SNCB: variants seen among roughly 807,000 people sequenced by gnomAD.
SNCB encodes beta-synuclein.
Under a neutral mutation model 20.0 loss-of-function variants are expected in SNCB, and 8 were observed. The observed-to-expected ratio is 0.40, with a 90% CI of 0.24 to 0.72. SNCB has a LOEUF of 0.72. Ranked by LOEUF, SNCB falls within the 30% of genes least tolerant of loss-of-function variation. The pLI is 0.37. For synonymous variants in SNCB, 56 were observed against 65.4 expected, an observed-to-expected ratio of 0.86 and a Z score of 0.69; for missense variants, 125 against 168.0, an observed-to-expected ratio of 0.74 and a Z score of 1.41.
At position 176,626,545 on chromosome 5, in the gene SNCB, G is replaced by A; in HGVS notation, c.164-29C>T. ...GAGCAGGGAGGGGGTTGAGGAAGGGGTTTGGGAGCCAGGGGGAAACACCGA... is the reference window on the plus strand; with the variant it reads ...GAGCAGGGAGGGGGTTGAGGAAGGGATTTGGGAGCCAGGGGGAAACACCGA... On this transcript the variant is annotated intron_variant, in intron 3 of 5. Transcript: ENST00000393693. The surrounding 1 kb of genome is among the most constrained non-coding windows in gnomAD (Gnocchi z 4.2). 6.3e-7 allele frequency: 1 copy of A among 1,579,692 alleles called. No individual in the cohort carries two copies. The highest frequency in any genetic ancestry group is 1.1e-5 in the South Asian group (1 of 90,358).
Position 176,629,666 on chromosome 5 carries a change from G to A in SNCB, c.-9-3C>T, listed in dbSNP as rs965135290. The A allele has an allele frequency of 2.5e-6, 4 of 1,612,458 alleles. No homozygotes were observed. Among genetic ancestry groups the A allele is most frequent in the Middle Eastern group, 1.7e-4 (1 of 6,014 alleles). On this transcript the variant is annotated splice_region_variant and splice_polypyrimidine_tract_variant and intron_variant, in intron 1 of 5. Transcript: ENST00000393693. This position sits in a 1 kb window ranked among gnomAD's most constrained non-coding sequence, Gnocchi z 4.1. ...ATGAACACGTCCATCCTGGCGGCCTGGGGAGGGCGATACACGGGCACCGGT... is the reference window on the plus strand; with the variant it reads ...ATGAACACGTCCATCCTGGCGGCCTAGGGAGGGCGATACACGGGCACCGGT...
chr5:176,626,459 G>C lies in SNCB; in HGVS notation c.221C>G (p.Ala74Gly). Residue 74 changes from alanine (A) to glycine (G), a missense_variant, in exon 4 of 6, where the codon GCA (alanine) becomes GGA (glycine). Transcript: ENST00000393693. The surrounding 1 kb of genome is among the most constrained non-coding windows in gnomAD (Gnocchi z 4.2). ...TCCTGTGGCTGCTGCGATGTTCCCT[G>C]CCCCAGAGAACACAGCTCCTCCCAG... ...SHLGGAVFSG[A>G]GNIAAATGLV... 6.2e-7 allele frequency: 1 copy of C among 1,614,058 alleles called. No homozygotes were observed. Among genetic ancestry groups the C allele is most frequent in the Non-Finnish European group, 8.5e-7 (1 of 1,180,006 alleles).
In SNCB at chr5:176,620,558, G is replaced by A. The variant is rs1175231696; in HGVS notation, c.*253C>T. ...CTACATCCGCGCAGACGCTGGATGG[G>A]AGGAGGCAACACTGGAGGGGCGAGG... On this transcript the variant is annotated 3_prime_UTR_variant, in exon 6 of 6. Coordinates refer to ENST00000393693, the MANE Select transcript of SNCB (RefSeq NM_003085.5). This position sits in a 1 kb window ranked among gnomAD's most constrained non-coding sequence, Gnocchi z 4.5. 3.4e-6 allele frequency: 2 copies of A among 591,324 alleles called. No homozygotes were observed. Among genetic ancestry groups the A allele is most frequent in the African/African-American group, 3.7e-5 (2 of 53,584 alleles). 36.6% of individuals were successfully genotyped at this position (591,324 alleles called of 1,614,324 possible). A position where few individuals can be genotyped will look rare whatever the true frequency, so the allele number is the denominator to read the frequency against.
Position 176,620,529 on chromosome 5 carries a change from C to T in SNCB, c.*282G>A. 1.8e-6 allele frequency: 1 copy of T among 562,714 alleles called. No individual in the cohort carries two copies. Among genetic ancestry groups the T allele is most frequent in the Non-Finnish European group, 3.2e-6 (1 of 314,726 alleles). 34.9% of individuals were successfully genotyped at this position (562,714 alleles called of 1,614,324 possible). A position where few individuals can be genotyped will look rare whatever the true frequency, so the allele number is the denominator to read the frequency against. On this transcript the variant is annotated 3_prime_UTR_variant, in exon 6 of 6. Transcript: ENST00000393693. The surrounding 1 kb of genome is among the most constrained non-coding windows in gnomAD (Gnocchi z 4.5). Reference sequence around the variant, plus strand: ...GATCTTCGTTTAAAAACACATAGAACATGCTACATCCGCGCAGACGCTGGA... The same window carrying T: ...GATCTTCGTTTAAAAACACATAGAATATGCTACATCCGCGCAGACGCTGGA...
rs530110220 is a variant in SNCB at position 176,621,663 on chromosome 5, G to C, written c.283-360C>G. On this transcript the variant is annotated intron_variant, in intron 4 of 5. Transcript: ENST00000393693. This position sits in a 1 kb window ranked among gnomAD's most constrained non-coding sequence, Gnocchi z 4.1. ...TCGGGACCCCAGAGATAACCCTCAGGCTCCCCTGGGCTGAAGGGAGCTGGA... is the reference window on the plus strand; with the variant it reads ...TCGGGACCCCAGAGATAACCCTCAGCCTCCCCTGGGCTGAAGGGAGCTGGA... Among the ~76,000 whole-genome samples, 2 of 152,174 alleles carry C rather than the reference G, an allele frequency of 1.3e-5. No homozygotes were observed. Among genetic ancestry groups the C allele is most frequent in the African/African-American group, 4.8e-5 (2 of 41,440 alleles).
At chr5:176,623,111 T>A (rs1057253644) in intron 4 of SNCB, among the ~76,000 whole-genome samples, 1 of 152,026 alleles carries the variant, frequency 6.6e-6, no homozygotes, top group Non-Finnish European at 1.5e-5. Flanking sequence ...AGGCCAGGCA[T>A]AGTGGCTCAC....
chr5:176,626,211 T>G lies in SNCB; in HGVS notation c.282+187A>C, dbSNP rs1759930715. ...GGAGCGTCACACCCATGCACGCCTT[T>G]ATTCAGATGCATTCTGAGCTGAGTC... On this transcript the variant is annotated intron_variant, in intron 4 of 5. Transcript: ENST00000393693. The surrounding 1 kb of genome is among the most constrained non-coding windows in gnomAD (Gnocchi z 4.2). 6.6e-6 allele frequency among the ~76,000 whole-genome samples: 1 copy of G among 152,118 alleles called. No individual in the cohort carries two copies. The highest frequency in any genetic ancestry group is 1.5e-5 in the Non-Finnish European group (1 of 68,016).
In SNCB at chr5:176,626,767, G is replaced by A; in HGVS notation, c.122-6C>T. ...ACCTTCTCGGGTCTTGCTTCCTGCA[G>A]GGAGAAAAAGCGGCACATTTAAGGA... On this transcript the variant is annotated splice_region_variant and splice_polypyrimidine_tract_variant and intron_variant, in intron 2 of 5. Coordinates refer to ENST00000393693, the MANE Select transcript of SNCB (RefSeq NM_003085.5). This position sits in a 1 kb window ranked among gnomAD's most constrained non-coding sequence, Gnocchi z 4.2. 1 of 1,614,146 alleles carries A rather than the reference G, an allele frequency of 6.2e-7. No homozygotes were observed. The highest frequency in any genetic ancestry group is 1.6e-4 in the Middle Eastern group (1 of 6,062).
rs1427990703 is a variant in SNCB, at chr5:176,629,631, C to A, written c.24G>T (p.Leu8=). The A allele has an allele frequency of 6.2e-7, 1 of 1,613,916 alleles. No individual in the cohort carries two copies. The highest frequency in any genetic ancestry group is 8.5e-7 in the Non-Finnish European group (1 of 1,179,920). The part of the protein sequence containing the change: MDVFMKG[L]SMAKEGVVAA... Reference sequence around the variant, plus strand: ...CCACAACGCCCTCCTTGGCCATGGACAGGCCCTTCATGAACACGTCCATCC... The same window carrying A: ...CCACAACGCCCTCCTTGGCCATGGAAAGGCCCTTCATGAACACGTCCATCC... The change falls in exon 2 of 6, where the codon CTG becomes CTT. Residue 8 remains leucine (L), a synonymous_variant. Coordinates refer to ENST00000393693, the MANE Select transcript of SNCB (RefSeq NM_003085.5). The surrounding 1 kb of genome is among the most constrained non-coding windows in gnomAD (Gnocchi z 4.1).
intron 2 of SNCB, among the ~76,000 whole-genome samples, chr5:176,628,698 A>C (rs1011578309): frequency 6.6e-6 from 1 of 152,094 alleles, no homozygotes; most frequent in African/African-American, 2.4e-5. Flanking sequence ...GAGCCACTGG[A>C]TGTCAACTCG....
intron 4 of SNCB, among the ~76,000 whole-genome samples, chr5:176,625,128 T>C (rs1176113643): frequency 6.6e-6 from 1 of 152,224 alleles, no homozygotes; most frequent in African/African-American, 2.4e-5. Context: ...GGGGATCCAC[T>C]TCCAGGCACG....
intron 2 of SNCB, among the ~76,000 whole-genome samples, chr5:176,628,767 C>T (rs187235593): frequency 6.6e-6 from 1 of 152,358 alleles, no homozygotes; most frequent in East Asian, 1.9e-4. Context: ...TTCCTGTTCA[C>T]TGTGAAACCC....
chr5:176,626,798 C>G lies in SNCB; in HGVS notation c.122-37G>C. On this transcript the variant is annotated intron_variant, in intron 2 of 5. Coordinates refer to ENST00000393693, the MANE Select transcript of SNCB (RefSeq NM_003085.5). This position sits in a 1 kb window ranked among gnomAD's most constrained non-coding sequence, Gnocchi z 4.2. ...AAAAGCGGCACATTTAAGGACTCTG[C>G]GCTGAGGGAACAGAAACTCCAGCAC... The G allele has an allele frequency of 6.2e-7, 1 of 1,610,848 alleles. No homozygotes were observed. The highest frequency in any genetic ancestry group is 8.5e-7 in the Non-Finnish European group (1 of 1,177,048).
At chr5:176,625,062 G>A (rs1020613242) in intron 4 of SNCB, among the ~76,000 whole-genome samples, 1 of 152,176 alleles carries the variant, frequency 6.6e-6, no homozygotes, top group Non-Finnish European at 1.5e-5. Context: ...GGGTCTGCAC[G>A]CGTCCATGGA....
In SNCB at chr5:176,626,308, G is replaced by T; in HGVS notation, c.282+90C>A. ...CTGGTGGCAGGATTAGGGGGGCGGG[G>T]ATGGTGACAGGTTTATTTGTGTGCC... On this transcript the variant is annotated intron_variant, in intron 4 of 5. Coordinates refer to ENST00000393693, the MANE Select transcript of SNCB (RefSeq NM_003085.5). This position sits in a 1 kb window ranked among gnomAD's most constrained non-coding sequence, Gnocchi z 4.2. 3 of 956,792 alleles carry T rather than the reference G, an allele frequency of 3.1e-6. No individual in the cohort carries two copies. Among genetic ancestry groups the T allele is most frequent in the Non-Finnish European group, 3.4e-6 (2 of 591,552 alleles). 59.3% of individuals were successfully genotyped at this position (956,792 alleles called of 1,614,324 possible). A position where few individuals can be genotyped will look rare whatever the true frequency, so the allele number is the denominator to read the frequency against.
Position 176,620,698 on chromosome 5 carries a change from C to A in SNCB, c.*113G>T. On this transcript the variant is annotated 3_prime_UTR_variant, in exon 6 of 6. Transcript: ENST00000393693. The surrounding 1 kb of genome is among the most constrained non-coding windows in gnomAD (Gnocchi z 4.5). The stretch of plus-strand genomic sequence containing the variant: ...AGGCTCCGAGGGGGTTGCCTCAGAG[C>A]GGAAGGAAGATCTCGTGATTGGGGA... The A allele has an allele frequency of 2.4e-6, 2 of 817,624 alleles. No homozygotes were observed. The highest frequency in any genetic ancestry group is 2.7e-5 in the South Asian group (2 of 74,734). 50.6% of individuals were successfully genotyped at this position (817,624 alleles called of 1,614,324 possible). A position where few individuals can be genotyped will look rare whatever the true frequency, so the allele number is the denominator to read the frequency against.
rs748671485 is a variant in SNCB, at chr5:176,621,664, C to G, written c.283-361G>C. On this transcript the variant is annotated intron_variant, in intron 4 of 5. Coordinates refer to ENST00000393693, the MANE Select transcript of SNCB (RefSeq NM_003085.5). The surrounding 1 kb of genome is among the most constrained non-coding windows in gnomAD (Gnocchi z 4.1). ...CGGGACCCCAGAGATAACCCTCAGG[C>G]TCCCCTGGGCTGAAGGGAGCTGGAG... is the stretch of plus-strand genomic sequence containing the variant. Among the ~76,000 whole-genome samples the G allele has an allele frequency of 1.3e-5, 2 of 152,350 alleles. No individual in the cohort carries two copies.
chr5:176,620,729 A>C lies in SNCB; in HGVS notation c.*82T>G. The C allele has an allele frequency of 4.4e-6, 4 of 918,428 alleles. No individual in the cohort carries two copies. The highest frequency in any genetic ancestry group is 7.3e-6 in the Non-Finnish European group (4 of 544,338). 56.9% of individuals were successfully genotyped at this position (918,428 alleles called of 1,614,324 possible). On this transcript the variant is annotated 3_prime_UTR_variant, in exon 6 of 6. Coordinates refer to ENST00000393693, the MANE Select transcript of SNCB (RefSeq NM_003085.5). The surrounding 1 kb of genome is among the most constrained non-coding windows in gnomAD (Gnocchi z 4.5). The stretch of plus-strand genomic sequence containing the variant: ...GAAGATCTCGTGATTGGGGAGAAGG[A>C]GTCTAAGGACAGCCCTGGCTCTGGG...
chr5:176,628,243 C>G (rs549297347), intron 2 of SNCB, among the ~76,000 whole-genome samples: 2 of 152,208 alleles, frequency 1.3e-5, no homozygotes, highest in African/African-American at 4.8e-5. Flanking sequence ...AGTCTATTAT[C>G]AGAGAGAGAG....
Sources: gnomAD v4.1 joint callset for allele counts (sites outside exome capture counted in the v4.1 genomes callset) on GRCh38, gnomAD v4.1.1 for gene constraint, Gnocchi (gnomAD v3.1) non-coding constraint, MANE v1.5 for transcripts, NCBI Gene and HGNC (gene_info 2026-07-23, HGNC 2026-07-21) for gene names.